The following MLLT10 variants were observed in gnomAD, a reference collection of about 807,000 sequenced individuals.
MLLT10 encodes protein AF-10.
A neutral mutation model predicts 129.1 loss-of-function variants in MLLT10; 30 were observed. The ratio of observed to expected loss-of-function variants is 0.23; its 90% CI spans 0.17 to 0.32. The LOEUF is 0.32. Among genes scored for constraint, MLLT10 ranks in the 10% least tolerant of loss-of-function variants. The pLI is 1.00. For synonymous variants in MLLT10, 490 were observed against 446.4 expected (o/e 1.10, Z -1.23); for missense variants, 1,119 against 1,268.3 (o/e 0.88, Z 1.79).
chr10:21,540,981 G>A (rs538169792), intron 3 of MLLT10, among the ~76,000 whole-genome samples: 3 of 152,098 alleles, frequency 2.0e-5, no homozygotes, highest in Admixed American at 6.5e-5. Flanking sequence ...GCAACATGGC[G>A]AAACCCCACC....
intron 8 of MLLT10, chr10:21,625,637 G>A: frequency 1.3e-6 from 1 of 759,252 alleles, no homozygotes; most frequent in Non-Finnish European, 2.5e-6. Context: ...CAAACCCTCT[G>A]TGACTTTACT....
intron 21 of MLLT10, chr10:21,738,682 G>A (rs759384603): frequency 2.3e-4 from 116 of 509,794 alleles, no homozygotes; most frequent in Non-Finnish European, 2.8e-4. Context: ...TCATCTTAAC[G>A]TCACCTGGCA....
intron 13 of MLLT10, among the ~76,000 whole-genome samples, chr10:21,699,648 A>G (rs1469861817): frequency 6.6e-6 from 1 of 151,812 alleles, no homozygotes; most frequent in Non-Finnish European, 1.5e-5. Flanking sequence ...TCCTCGGTGT[A>G]CGTACTTGGT....
intron 5 of MLLT10, among the ~76,000 whole-genome samples, chr10:21,598,608 G>A (rs1489666185): frequency 1.3e-5 from 2 of 152,188 alleles, no homozygotes; most frequent in Non-Finnish European, 2.9e-5. Flanking sequence ...TGTGGGCCAG[G>A]CGCGATGGCT....
chr10:21,656,085 C>T (rs1343194353), intron 9 of MLLT10, among the ~76,000 whole-genome samples: 1 of 151,994 alleles, frequency 6.6e-6, no homozygotes, highest in Non-Finnish European at 1.5e-5. Flanking sequence ...AAGATGAGGC[C>T]TTGAGTGTTT....
At chr10:21,571,030 C>T (rs997241157) in intron 3 of MLLT10, among the ~76,000 whole-genome samples, 1 of 152,110 alleles carries the variant, frequency 6.6e-6, no homozygotes, top group Non-Finnish European at 1.5e-5. Context: ...TTCATGTTTT[C>T]TTTGACTGGA....
chr10:21,723,513 A>C (rs1391283601), intron 14 of MLLT10, among the ~76,000 whole-genome samples: 2 of 152,238 alleles, frequency 1.3e-5, no homozygotes, highest in African/African-American at 4.8e-5. Context: ...GAGAGTCAAA[A>C]GGCTGGGAGT....
intron 8 of MLLT10, among the ~76,000 whole-genome samples, chr10:21,632,896 G>A (rs945245619): frequency 1.3e-5 from 2 of 152,004 alleles, no homozygotes; most frequent in African/African-American, 4.8e-5. Context: ...CTATGACACA[G>A]CAGTATTATA....
intron 11 of MLLT10, among the ~76,000 whole-genome samples, chr10:21,677,793 C>G (rs184648089): frequency 9.2e-5 from 14 of 152,270 alleles, no homozygotes; most frequent in Non-Finnish European, 1.3e-4. Flanking sequence ...TCTTGAATGA[C>G]AGGTCGATAA....
chr10:21,541,753 GTCC>G (rs1478703472), intron 3 of MLLT10, among the ~76,000 whole-genome samples: 1 of 152,064 alleles, frequency 6.6e-6, no homozygotes, highest in African/African-American at 2.4e-5. Flanking sequence ...AGCTCAAGCA[GTCC>G]TCCTACCTCA....
intron 3 of MLLT10, among the ~76,000 whole-genome samples, chr10:21,547,324 C>G (rs767562677): frequency 1.7e-4 from 26 of 151,902 alleles, no homozygotes; most frequent in Non-Finnish European, 3.4e-4. Context: ...AACAAAGGTC[C>G]TTGGGACGCC....
rs532394073 is a variant in MLLT10 at position 21,607,975 on chromosome 10, T to A, written c.406-4373T>A. Among the ~76,000 whole-genome samples, 7 of 152,140 alleles carry A rather than the reference T, an allele frequency of 4.6e-5. No homozygotes were observed. The East Asian group carries it at 1.3e-3, about 29-fold the overall frequency. On this transcript the variant is annotated intron_variant, in intron 5 of 22. Transcript: ENST00000307729. ...TTTGCCTTTATTTTTGACAGACAGT[T>A]TTGCTAGTTATAGGATTCTTGATTT... is the stretch of plus-strand genomic sequence containing the variant.
upstream of MLLT10, among the ~76,000 whole-genome samples, chr10:21,533,873 C>T (rs771347198): frequency 6.6e-6 from 1 of 152,202 alleles, no homozygotes; most frequent in African/African-American, 2.4e-5. Flanking sequence ...ATGATGCCCC[C>T]GGGGACTCCC....
intron 15 of MLLT10, 94 bp downstream of exon 15, chr10:21,726,449 G>C (rs1335240564): frequency 1.2e-6 from 1 of 817,720 alleles, no homozygotes; most frequent in Non-Finnish European, 2.0e-6. Flanking sequence ...AACATGCAGG[G>C]ATGTGGTTAG....
chr10:21,622,789 A>G (rs1439459961), intron 8 of MLLT10, among the ~76,000 whole-genome samples: 1 of 152,152 alleles, frequency 6.6e-6, no homozygotes, highest in African/African-American at 2.4e-5. Flanking sequence ...CAGTTCTGAT[A>G]TTACCCAGAG....
chr10:21,704,617 T>TTC (rs1330798814), intron 13 of MLLT10, among the ~76,000 whole-genome samples: 1 of 150,836 alleles, frequency 6.6e-6, no homozygotes, highest in Non-Finnish European at 1.5e-5. Context: ...CTCGCTTTTT[T>TTC]TTTTTTTTTG....
At chr10:21,646,959 CAT>C (rs1180179946) in intron 8 of MLLT10, among the ~76,000 whole-genome samples, 2 of 151,838 alleles carry the variant, frequency 1.3e-5, no homozygotes, top group African/African-American at 4.8e-5. Flanking sequence ...GAGTTGATGC[CAT>C]TCTTTTGCCT....
chr10:21,602,012 C>T (rs1410750163), intron 5 of MLLT10, among the ~76,000 whole-genome samples: 1 of 152,100 alleles, frequency 6.6e-6, no homozygotes, highest in Non-Finnish European at 1.5e-5. Flanking sequence ...TAAGACAGGT[C>T]AAATTTGAGA....
intron 3 of MLLT10, chr10:21,557,114 T>G: frequency 7.2e-7 from 1 of 1,395,142 alleles, no homozygotes; most frequent in Admixed American, 3.3e-5. Flanking sequence ...ATTTACATTT[T>G]TGCCCTTTTG....
Sources: allele counts gnomAD v4.1 joint callset (sites outside exome capture counted in the v4.1 genomes callset), GRCh38; gene constraint gnomAD v4.1.1; transcripts MANE v1.5; gene names NCBI Gene and HGNC (gene_info 2026-07-23, HGNC 2026-07-21).